Variants in FBN2 observed in about 807,000 individuals in gnomAD.
The protein encoded by FBN2 is fibrillin 2.
In FBN2, 105 loss-of-function variants were observed where a neutral mutation model predicts 355.6. The observed-to-expected ratio is 0.30, with a 90% CI of 0.25 to 0.35. The LOEUF (loss-of-function observed/expected upper bound fraction) is 0.35, where lower values mean the gene tolerates loss of function less well. FBN2 is among the 10% of genes least tolerant of loss of function. The pLI is 1.00. For synonymous variants in FBN2, 1,350 were observed against 1,301.2 expected (o/e 1.04, Z -0.81); for missense variants, 3,280 against 3,758.7 (o/e 0.87, Z 3.33).
intron 34 of FBN2, among the ~76,000 whole-genome samples, chr5:128,320,693 TAGAA>T (rs773306419): frequency 6.6e-6 from 1 of 152,224 alleles, no homozygotes; most frequent in Non-Finnish European, 1.5e-5. Context: ...TGTTTCTATC[TAGAA>T]AGAATCATTT....
At position 128,303,069 on chromosome 5, in the gene FBN2, G is replaced by A. The variant is rs1380930936; in HGVS notation, c.5821C>T (p.His1941Tyr). The change falls in exon 46 of 65, where the codon CAT (histidine) becomes TAT (tyrosine). Residue 1941 changes from histidine to tyrosine, a missense_variant. By Grantham distance (83) the His-to-Tyr change is moderately conservative. Coordinates refer to ENST00000262464, the MANE Select transcript of FBN2 (RefSeq NM_001999.4). ...TTACAAGTTCCATTTCCACATGGAT[G>A]CCGCTCGCACTCATCAACATCTATA... ...MCMDVDECER[H>Y]PCGNGTCKNT... 6.2e-7 allele frequency: 1 copy of A among 1,607,646 alleles called. No homozygotes were observed. Among genetic ancestry groups the A allele is most frequent in the Non-Finnish European group, 8.5e-7 (1 of 1,174,248 alleles).
intron 39 of FBN2, 152 bp from the exon 40 acceptor site, chr5:128,310,260 A>G (rs1749997703): frequency 1.6e-6 from 1 of 626,698 alleles, no homozygotes; most frequent in East Asian, 2.9e-5. Context: ...ATGCATTTAT[A>G]TAACACAGAT....
At chr5:128,398,099 T>G (rs1229225966) in intron 8 of FBN2, among the ~76,000 whole-genome samples, 1 of 152,156 alleles carries the variant, frequency 6.6e-6, no homozygotes, top group Non-Finnish European at 1.5e-5. Context: ...ATAGTAGGTT[T>G]TTGGTCTGAA....
chr5:128,442,133 A>G (rs1355361194), intron 7 of FBN2: 2 of 330,088 alleles, frequency 6.1e-6, no homozygotes, highest in Non-Finnish European at 1.2e-5. Flanking sequence ...ACAAGTCTCA[A>G]ACAACAAAAT....
In FBN2 at chr5:128,280,211, A is replaced by G; in HGVS notation, c.7119T>C (p.Ser2373=). 1 of 1,612,694 alleles carries G rather than the reference A, an allele frequency of 6.2e-7. No homozygotes were observed. The highest frequency in any genetic ancestry group is 8.5e-7 in the Non-Finnish European group (1 of 1,178,972). ...CECNEGFQSS[S]SGTECLDNRQ... ...ACTTACCAAGGCATTCAGTGCCTGAAGAACTTGACTGGAATCCTTCATTAC... is the reference window on the plus strand; with the variant it reads ...ACTTACCAAGGCATTCAGTGCCTGAGGAACTTGACTGGAATCCTTCATTAC... Residue 2373 remains serine (S), a synonymous_variant, in exon 56 of 65, where the codon TCT becomes TCC. Transcript: ENST00000262464.
At chr5:128,527,155 T>G (rs1039634018) in intron 4 of FBN2, among the ~76,000 whole-genome samples, 5 of 152,186 alleles carry the variant, frequency 3.3e-5, no homozygotes, top group African/African-American at 1.2e-4. Context: ...AAGGTGACAT[T>G]ACTTCAAAAT....
chr5:128,405,210 AAAGTGAT>A (rs1752894989), intron 8 of FBN2, among the ~76,000 whole-genome samples: 1 of 152,142 alleles, frequency 6.6e-6, no homozygotes, highest in African/African-American at 2.4e-5. Flanking sequence ...CAAAAAAGGA[AAAGTGAT>A]ACCTATTTTG....
chr5:128,427,551 C>A (rs1005081996), intron 7 of FBN2, among the ~76,000 whole-genome samples: 5 of 152,150 alleles, frequency 3.3e-5, no homozygotes, highest in African/African-American at 4.8e-5. Context: ...CGTGCCAGAG[C>A]TAACATTCTT....
intron 7 of FBN2, among the ~76,000 whole-genome samples, chr5:128,417,155 C>T (rs1312505488): frequency 6.6e-6 from 1 of 151,826 alleles, no homozygotes; most frequent in Non-Finnish European, 1.5e-5. Flanking sequence ...TTTTTAGCTA[C>T]TTCATTATTG....
intron 5 of FBN2, among the ~76,000 whole-genome samples, chr5:128,498,099 G>A (rs1335028154): frequency 6.6e-6 from 1 of 152,204 alleles, no homozygotes; most frequent in East Asian, 1.9e-4. Context: ...TGGGAATGCA[G>A]AGGGCAGAGC....
At chr5:128,266,421 G>C (rs879348526) in intron 62 of FBN2, among the ~76,000 whole-genome samples, 1 of 152,070 alleles carries the variant, frequency 6.6e-6, no homozygotes, top group Non-Finnish European at 1.5e-5. Context: ...AAGGCAAACC[G>C]GCTTCTGGCT....
chr5:128,528,316 T>A (rs1756618794), intron 3 of FBN2, among the ~76,000 whole-genome samples: 1 of 152,150 alleles, frequency 6.6e-6, no homozygotes, highest in Non-Finnish European at 1.5e-5. Context: ...TGCAGTACTG[T>A]CATAATGGAC....
rs781434519 is a variant in FBN2 at position 128,357,762 on chromosome 5, T to C, written c.2555-367A>G. ...AAGGTTGATTGCTTTGATGATTTCA[T>C]GAGGCTCTGAAAAACTTAAAAAGTC... is the stretch of plus-strand genomic sequence containing the variant. On this transcript the variant is annotated intron_variant, in intron 19 of 64. Transcript: ENST00000262464. Among the ~76,000 whole-genome samples, 101 of 152,200 alleles carry C rather than the reference T, an allele frequency of 6.6e-4. 2 individuals carry two copies. Among genetic ancestry groups the C allele is most frequent in the Non-Finnish European group, 4.3e-4 (29 of 68,036 alleles).
intron 20 of FBN2, among the ~76,000 whole-genome samples, chr5:128,353,944 T>A (rs1358249791): frequency 6.6e-6 from 1 of 152,084 alleles, no homozygotes; most frequent in Non-Finnish European, 1.5e-5. Flanking sequence ...CGCACCCCCC[T>A]ACAGGCTCAT....
intron 26 of FBN2, among the ~76,000 whole-genome samples, 198 bp from the exon 27 acceptor site, chr5:128,338,320 T>A (rs1750901313): frequency 6.6e-6 from 1 of 152,200 alleles, no homozygotes; most frequent in Non-Finnish European, 1.5e-5. Flanking sequence ...TTAAAGGTAG[T>A]AAGCTTTCAA....
intron 22 of FBN2, 47 bp from the exon 23 acceptor site, chr5:128,349,519 A>T (rs755202425): frequency 6.2e-7 from 1 of 1,605,314 alleles, no homozygotes; most frequent in East Asian, 2.2e-5. Flanking sequence ...TTACAAATAG[A>T]AAAAGCAGGT....
intron 36 of FBN2, among the ~76,000 whole-genome samples, chr5:128,315,038 C>T (rs1403089354): frequency 6.6e-6 from 1 of 152,154 alleles, no homozygotes; most frequent in African/African-American, 2.4e-5. Context: ...GCATATACAG[C>T]CACAAAAGGA....
At chr5:128,358,814 AAAG>A (rs1751568064) in intron 19 of FBN2, among the ~76,000 whole-genome samples, 1 of 152,086 alleles carries the variant, frequency 6.6e-6, no homozygotes, top group Admixed American at 6.5e-5. Context: ...AAGCCTGAAA[AAAG>A]AAGAATTTCA....
intron 25 of FBN2, among the ~76,000 whole-genome samples, chr5:128,341,682 A>C (rs1258073176): frequency 6.6e-6 from 1 of 152,194 alleles, no homozygotes; most frequent in Non-Finnish European, 1.5e-5. Flanking sequence ...TGAGGACTTC[A>C]GTGGGACTGC....
Sources: gnomAD v4.1 joint callset for allele counts (sites outside exome capture counted in the v4.1 genomes callset) on GRCh38, gnomAD v4.1.1 for gene constraint, MANE v1.5 for transcripts, NCBI Gene and HGNC (gene_info 2026-07-23, HGNC 2026-07-21) for gene names.